NSFL1C: variants seen among roughly 807,000 people sequenced by gnomAD.
The protein encoded by NSFL1C is NSFL1 cofactor.
Under a neutral mutation model 43.1 loss-of-function variants are expected in NSFL1C, and 14 were observed. The observed-to-expected ratio is 0.32, with a 90% CI of 0.21 to 0.51. NSFL1C has a LOEUF of 0.51. Ranked by LOEUF, NSFL1C falls within the 20% of genes least tolerant of loss-of-function variation. NSFL1C has a pLI of 0.98. For missense variants in NSFL1C, 406 were observed against 472.5 expected (o/e 0.86, Z 1.30); for synonymous variants, 171 against 183.5 (o/e 0.93, Z 0.55).
intron 1 of NSFL1C, among the ~76,000 whole-genome samples, 158 bp from the exon 2 acceptor site, chr20:1,464,584 G>A (rs1367147775): frequency 6.6e-6 from 1 of 152,244 alleles, no homozygotes; most frequent in Non-Finnish European, 1.5e-5. Flanking sequence ...CAGCTCAGCT[G>A]TTAGTCTTCG....
intron 7 of NSFL1C, among the ~76,000 whole-genome samples, chr20:1,447,550 C>G (rs2090086588): frequency 6.6e-6 from 1 of 151,668 alleles, no homozygotes; most frequent in Non-Finnish European, 1.5e-5. Context: ...ACTGGACATT[C>G]CTGATCTACA....
chr20:1,466,841 T>G lies in NSFL1C; in HGVS notation c.-17A>C. The stretch of plus-strand genomic sequence containing the variant: ...CGCCGCCATCTTCGCCCCGTGCGCC[T>G]TCCAAAGCGCTCCGGCGGCCGCCGC... On this transcript the variant is annotated 5_prime_UTR_variant, in exon 1 of 9. Transcript: ENST00000216879. 6.6e-7 allele frequency: 1 copy of G among 1,520,382 alleles called. No homozygotes were observed. The highest frequency in any genetic ancestry group is 8.8e-7 in the Non-Finnish European group (1 of 1,136,772). The allele number at this position is 1,520,382 out of a possible 1,614,324, so 94.2% of individuals were successfully genotyped here.
intron 3 of NSFL1C, 152 bp downstream of exon 3, chr20:1,458,048 A>G: frequency 3.1e-6 from 2 of 639,470 alleles, no homozygotes; most frequent in African/African-American, 1.8e-5. Context: ...GGAGTAGAAG[A>G]GACTTCCTAA....
chr20:1,443,755 T>C lies in NSFL1C; in HGVS notation c.1107A>G (p.Leu369=), dbSNP rs1381566263. ...NLLNAVIVQR[L]T ...CAGGCAGCTGGCTGGGCGGTTATGT[T>C]AACCGCTGCACGATGACAGCATTGA... is the stretch of plus-strand genomic sequence containing the variant. The change falls in exon 9 of 9, where the codon TTA becomes TTG. Residue 369 remains leucine (L), a synonymous_variant. Coordinates refer to ENST00000216879, the MANE Select transcript of NSFL1C (RefSeq NM_016143.5). The C allele has an allele frequency of 6.2e-7, 1 of 1,614,038 alleles. No homozygotes were observed. The highest frequency in any genetic ancestry group is 1.1e-5 in the South Asian group (1 of 91,076).
At chr20:1,447,553 G>T (rs1038489797) in intron 7 of NSFL1C, among the ~76,000 whole-genome samples, 1 of 151,802 alleles carries the variant, frequency 6.6e-6, no homozygotes, top group Non-Finnish European at 1.5e-5. Context: ...GGACATTCCT[G>T]ATCTACACTA....
chr20:1,464,852 A>T (rs1354874878), intron 1 of NSFL1C, among the ~76,000 whole-genome samples: 1 of 152,208 alleles, frequency 6.6e-6, no homozygotes, highest in Non-Finnish European at 1.5e-5. Flanking sequence ...GATTAAAAAA[A>T]AATTTGTTCA....
At chr20:1,447,104 C>T (rs538215722) in intron 7 of NSFL1C, among the ~76,000 whole-genome samples, 6 of 152,192 alleles carry the variant, frequency 3.9e-5, no homozygotes, top group Non-Finnish European at 8.8e-5. Context: ...ATGTGAAAAA[C>T]ATGGACTTAC....
intron 3 of NSFL1C, 32 bp downstream of exon 3, chr20:1,458,168 A>G: frequency 6.4e-7 from 1 of 1,566,474 alleles, no homozygotes; most frequent in African/African-American, 1.4e-5. Context: ...TTCCCTGTGA[A>G]CTGTCCCCCT....
intron 2 of NSFL1C, 125 bp downstream of exon 2, chr20:1,464,204 T>G: frequency 1.3e-6 from 1 of 750,208 alleles, no homozygotes; most frequent in Non-Finnish European, 2.3e-6. Context: ...TACTACCCAT[T>G]GACTCAGTCT....
chr20:1,461,667 A>G (rs1206050486), intron 2 of NSFL1C, among the ~76,000 whole-genome samples: 1 of 152,216 alleles, frequency 6.6e-6, no homozygotes, highest in Non-Finnish European at 1.5e-5. Flanking sequence ...TGCTGAATGT[A>G]GAAAACAGCC....
At chr20:1,445,587 C>T (rs1433342841) in intron 8 of NSFL1C, 79 bp downstream of exon 8, 26 of 1,503,118 alleles carry the variant, frequency 1.7e-5, no homozygotes, top group South Asian at 1.1e-4. Context: ...GGAGGAAGAA[C>T]GGCTCTCTGC....
At position 1,454,363 on chromosome 20, in the gene NSFL1C, C is replaced by T. The variant is rs532043795; in HGVS notation, c.445-58G>A. The T allele has an allele frequency of 1.3e-4, 148 of 1,153,794 alleles. No individual in the cohort carries two copies. In the African/African-American group the frequency reaches 1.9e-3, roughly 15 times the overall value. The allele number at this position is 1,153,794 out of a possible 1,614,324, so 71.5% of individuals were successfully genotyped here. A position where few individuals can be genotyped will look rare whatever the true frequency, so the allele number is the denominator to read the frequency against. The stretch of plus-strand genomic sequence containing the variant: ...GTTGGTCCATGGTACAAGGGTTACT[C>T]AGATACAATGATATATATATCTTAG... On this transcript the variant is annotated intron_variant, in intron 4 of 8. Coordinates refer to ENST00000216879, the MANE Select transcript of NSFL1C (RefSeq NM_016143.5).
intron 6 of NSFL1C, 28 bp downstream of exon 6, chr20:1,453,003 G>C (rs1288395747): frequency 8.3e-7 from 1 of 1,203,988 alleles, no homozygotes; most frequent in African/African-American, 1.5e-5. Flanking sequence ...CACTGATTTG[G>C]GACCTACAGG....
intron 2 of NSFL1C, among the ~76,000 whole-genome samples, chr20:1,458,579 C>T (rs1450446450): frequency 6.6e-6 from 1 of 152,072 alleles, no homozygotes; most frequent in African/African-American, 2.4e-5. Context: ...GGAAAAAAAG[C>T]AGTGTTGTGT....
In NSFL1C at chr20:1,464,446, C is replaced by T; in HGVS notation, c.106-20G>A. 1 of 1,604,720 alleles carries T rather than the reference C, an allele frequency of 6.2e-7. No homozygotes were observed. The highest frequency in any genetic ancestry group is 8.5e-7 in the Non-Finnish European group (1 of 1,171,408). ...CGCGATCTGAAACAGAGAGGTAGTACCTTGGGACCCTTAAACAGGCCTTCA... is the reference window on the plus strand; with the variant it reads ...CGCGATCTGAAACAGAGAGGTAGTATCTTGGGACCCTTAAACAGGCCTTCA... On this transcript the variant is annotated intron_variant, in intron 1 of 8. Coordinates refer to ENST00000216879, the MANE Select transcript of NSFL1C (RefSeq NM_016143.5).
intron 2 of NSFL1C, among the ~76,000 whole-genome samples, chr20:1,461,038 T>C (rs1217038634): frequency 2.6e-5 from 4 of 152,166 alleles, no homozygotes; most frequent in African/African-American, 9.7e-5. Context: ...ACTTGACCTT[T>C]CTAAGAATTA....
At position 1,443,528 on chromosome 20, in the gene NSFL1C, A is replaced by ATT; in HGVS notation, c.*219_*220dup. On this transcript the variant is annotated 3_prime_UTR_variant, in exon 9 of 9. Coordinates refer to ENST00000216879, the MANE Select transcript of NSFL1C (RefSeq NM_016143.5). ...TCCTTCAATTTTTTTGGTTGTTTTT[A>ATT]TTTTTTTTTTCATTAAAGTCCATTG... 1.7e-5 allele frequency: 7 copies of ATT among 404,022 alleles called. No individual in the cohort carries two copies. Among genetic ancestry groups the ATT allele is most frequent in the East Asian group, 7.4e-5 (2 of 26,928 alleles). The allele number at this position is 404,022 out of a possible 1,614,324, so 25.0% of individuals were successfully genotyped here. A position where few individuals can be genotyped will look rare whatever the true frequency, so the allele number is the denominator to read the frequency against.
At chr20:1,446,216 A>T in intron 7 of NSFL1C, 1 of 291,830 alleles carries the variant, frequency 3.4e-6, no homozygotes, top group Non-Finnish European at 6.8e-6. Context: ...TTTAGCCTCA[A>T]TGGAGTGGTG....
chr20:1,444,517 C>T (rs1269122852), intron 8 of NSFL1C, among the ~76,000 whole-genome samples: 1 of 152,212 alleles, frequency 6.6e-6, no homozygotes, highest in Non-Finnish European at 1.5e-5. Context: ...CACTACCTGC[C>T]TTCTGAACCT....
Sources: gnomAD v4.1 joint callset for allele counts (sites outside exome capture counted in the v4.1 genomes callset) on GRCh38, gnomAD v4.1.1 for gene constraint, MANE v1.5 for transcripts, NCBI Gene and HGNC (gene_info 2026-07-23, HGNC 2026-07-21) for gene names.